The following BRAF variants were observed in gnomAD, a reference collection of about 807,000 sequenced individuals.
The protein encoded by BRAF is serine/threonine-protein kinase B-raf.
In BRAF, 16 loss-of-function variants were observed where a neutral mutation model predicts 104.6. The ratio of observed to expected loss-of-function variants is 0.15; its 90% CI spans 0.10 to 0.23. The LOEUF (loss-of-function observed/expected upper bound fraction) is 0.23, where lower values mean the gene tolerates loss of function less well. BRAF is among the 10% of genes least tolerant of loss of function. The pLI is 1.00. For synonymous variants in BRAF, 310 were observed against 341.6 expected (o/e 0.91, Z 1.02); for missense variants, 541 against 937.3 (o/e 0.58, Z 5.52).
chr7:140,788,604 T>C (rs1801630263), intron 8 of BRAF, among the ~76,000 whole-genome samples: 1 of 152,132 alleles, frequency 6.6e-6, no homozygotes, highest in African/African-American at 2.4e-5. Flanking sequence ...TTTGTCCTTT[T>C]TTTTGAGACT....
In BRAF at chr7:140,728,549, T is replaced by TA. The variant is rs1353955744; in HGVS notation, c.2402-2034dup. On this transcript the variant is annotated intron_variant, in intron 19 of 19. Coordinates refer to ENST00000644969, the MANE Select transcript of BRAF (RefSeq NM_001374258.1). The stretch of plus-strand genomic sequence containing the variant: ...AGGATTGGGGAATCTAGCACTGATT[T>TA]AAAAAAAAAAAAAGGCTAAATTAAA... Among the ~76,000 whole-genome samples, 362 of 140,730 alleles carry TA rather than the reference T, an allele frequency of 2.6e-3. 2 individuals carry two copies. Among genetic ancestry groups the TA allele is most frequent in the South Asian group, 0.011 (48 of 4,460 alleles). 92.3% of individuals were successfully genotyped at this position (140,730 alleles called of 152,430 possible).
At chr7:140,770,165 CCCT>C (rs1332210694) in intron 14 of BRAF, among the ~76,000 whole-genome samples, 36 of 152,046 alleles carry the variant, frequency 2.4e-4, no homozygotes, top group Non-Finnish European at 3.4e-4. Flanking sequence ...ATTATCAGCA[CCCT>C]ATTATTATTT....
intron 2 of BRAF, chr7:140,835,716 T>C (rs906344860): frequency 6.6e-6 from 1 of 152,118 alleles, no homozygotes; most frequent in Non-Finnish European, 1.5e-5. Flanking sequence ...ATACAAGATA[T>C]CAAATTTTAA....
At chr7:140,728,535 A>AT (rs138749777) in intron 19 of BRAF, among the ~76,000 whole-genome samples, 4,567 of 152,086 alleles carry the variant, frequency 0.03, 349 homozygotes, top group South Asian at 0.18. Flanking sequence ...GGATTGGGGA[A>AT]TCTAGCACTG....
chr7:140,726,285 A>T lies in BRAF; in HGVS notation c.*209T>A. ...TGTATGCTCGTGGTATTTTTGTTGA[A>T]GAAACACTGGCAGCAGAGAATTCTG... On this transcript the variant is annotated 3_prime_UTR_variant, in exon 20 of 20. Transcript: ENST00000644969. The T allele has an allele frequency of 7.1e-7, 1 of 1,413,382 alleles. No individual in the cohort carries two copies. Among genetic ancestry groups the T allele is most frequent in the Non-Finnish European group, 9.2e-7 (1 of 1,091,264 alleles). The allele number at this position is 1,413,382 out of a possible 1,614,324, so 87.6% of individuals were successfully genotyped here. A position where few individuals can be genotyped will look rare whatever the true frequency, so the allele number is the denominator to read the frequency against.
chr7:140,912,847 T>C (rs373574685), intron 1 of BRAF, among the ~76,000 whole-genome samples: 53 of 152,302 alleles, frequency 3.5e-4, no homozygotes, highest in African/African-American at 1.2e-3. Flanking sequence ...CAAGCCCCGA[T>C]GAATCTACTT....
In BRAF at chr7:140,781,596, A is replaced by C; in HGVS notation, c.1532T>G (p.Val511Gly). 1 of 1,614,004 alleles carries C rather than the reference A, an allele frequency of 6.2e-7. No homozygotes were observed. Among genetic ancestry groups the C allele is most frequent in the Non-Finnish European group, 8.5e-7 (1 of 1,179,882 alleles). The change falls in exon 12 of 20, where the codon GTC (valine) becomes GGC (glycine). Residue 511 changes from valine to glycine, a missense_variant. Physicochemically the swap from Val to Gly is moderately radical, Grantham distance 109. This residue lies in a region of BRAF where 109 missense variants were observed against 143.9 expected (regional missense o/e 0.76). Coordinates refer to ENST00000644969, the MANE Select transcript of BRAF (RefSeq NM_001374258.1). ...CTTACCATGCCACTTTCCCTTGTAGACTGTTCCAAATGATCCAGATCCAAT... is the reference window on the plus strand; with the variant it reads ...CTTACCATGCCACTTTCCCTTGTAGCCTGTTCCAAATGATCCAGATCCAAT... ...QRIGSGSFGT[V>G]YKGKWHGDVA... is the part of the protein sequence containing the mutation.
chr7:140,827,618 C>T (rs1806205859), intron 3 of BRAF, among the ~76,000 whole-genome samples: 1 of 152,186 alleles, frequency 6.6e-6, no homozygotes. Flanking sequence ...AATCTGGGTT[C>T]CAACTACCTT....
chr7:140,839,261 G>A (rs980143209), intron 2 of BRAF, among the ~76,000 whole-genome samples: 2 of 151,974 alleles, frequency 1.3e-5, no homozygotes, highest in Non-Finnish European at 2.9e-5. Context: ...GATCACTCGA[G>A]GCCAGGAGTT....
Position 140,768,549 on chromosome 7 carries a change from G to C in BRAF, c.1814+8363C>G, listed in dbSNP as rs557268993. On this transcript the variant is annotated intron_variant, in intron 14 of 19. Transcript: ENST00000644969. ...ACTTTGTCACCCAGGCTGGAGTGCA[G>C]TGGACTCAATCATGCCTCACTGTAG... is the stretch of plus-strand genomic sequence containing the variant. 1.1e-4 allele frequency among the ~76,000 whole-genome samples: 16 copies of C among 152,264 alleles called. No homozygotes were observed. The South Asian group carries it at 1.5e-3, about 14-fold the overall frequency.
downstream of BRAF, among the ~76,000 whole-genome samples, chr7:140,715,666 C>A (rs904626858): frequency 6.6e-6 from 1 of 152,170 alleles, no homozygotes; most frequent in Non-Finnish European, 1.5e-5. Context: ...TGTTCCAAGC[C>A]TTCTCAAAGG....
chr7:140,892,640 T>C (rs1814376323), intron 1 of BRAF, among the ~76,000 whole-genome samples: 1 of 152,196 alleles, frequency 6.6e-6, no homozygotes, highest in African/African-American at 2.4e-5. Flanking sequence ...ACAGCAAGGA[T>C]GGCTGATAGA....
At chr7:140,860,299 G>A (rs1456661753) in intron 1 of BRAF, among the ~76,000 whole-genome samples, 1 of 151,974 alleles carries the variant, frequency 6.6e-6, no homozygotes, top group Non-Finnish European at 1.5e-5. Flanking sequence ...ATGGGCAAAA[G>A]ACTTATGAAT....
intron 1 of BRAF, among the ~76,000 whole-genome samples, chr7:140,875,224 A>G (rs983072701): frequency 1.2e-4 from 18 of 152,222 alleles, no homozygotes; most frequent in Non-Finnish European, 2.6e-4. Flanking sequence ...AGGATGATTA[A>G]AAATATCTGA....
In BRAF at chr7:140,778,056, C is replaced by T. The variant is rs759901913; in HGVS notation, c.1572G>A (p.Met524Ile). Reference protein sequence around the residue: ...GKWHGDVAVKMLNVTAPTPQQ... With the variant: ...GKWHGDVAVKILNVTAPTPQQ... ...GAGGTGTAGGTGCTGTCACATTCAA[C>T]ATTTTCACTGCCACATCACCTAAAA... Residue 524 changes from methionine to isoleucine, a missense_variant, in exon 13 of 20, where the codon ATG becomes ATA. Physicochemically the swap from Met to Ile is conservative, Grantham distance 10 (BLOSUM62 1). This residue lies in a region of BRAF where 109 missense variants were observed against 143.9 expected (regional missense o/e 0.76). Coordinates refer to ENST00000644969, the MANE Select transcript of BRAF (RefSeq NM_001374258.1). 2 of 1,613,376 alleles carry T rather than the reference C, an allele frequency of 1.2e-6. No individual in the cohort carries two copies. The highest frequency in any genetic ancestry group is 1.7e-6 in the Non-Finnish European group (2 of 1,179,728).
chr7:140,825,032 G>A (rs977518552), intron 3 of BRAF, among the ~76,000 whole-genome samples: 5 of 150,074 alleles, frequency 3.3e-5, no homozygotes, highest in African/African-American at 1.2e-4. Context: ...GTGCAGTGGC[G>A]CAATCTCGGC....
chr7:140,743,015 A>G (rs1195383067), intron 17 of BRAF, among the ~76,000 whole-genome samples: 5 of 152,252 alleles, frequency 3.3e-5, no homozygotes, highest in Non-Finnish European at 5.9e-5. Flanking sequence ...AATCAAAACC[A>G]TAACGACATA....
chr7:140,787,189 T>C (rs1801454861), intron 9 of BRAF, among the ~76,000 whole-genome samples: 1 of 150,296 alleles, frequency 6.7e-6, no homozygotes, highest in South Asian at 2.1e-4. Context: ...TAGTCCCAGC[T>C]ACTCGGGAGG....
At chr7:140,919,837 TTTTG>T (rs1554429863) in intron 1 of BRAF, among the ~76,000 whole-genome samples, 3 of 151,978 alleles carry the variant, frequency 2.0e-5, no homozygotes, top group Middle Eastern at 3.4e-3. Context: ...TTTGTTTTTT[TTTTG>T]TTTGTTTGTT....
Sources: gnomAD v4.1 joint callset for allele counts (sites outside exome capture counted in the v4.1 genomes callset) on GRCh38, gnomAD v4.1.1 for gene constraint, gnomAD v4.1.1 regional missense constraint, MANE v1.5 for transcripts, NCBI Gene and HGNC (gene_info 2026-07-23, HGNC 2026-07-21) for gene names.